The following SPOCK1 variants were observed in gnomAD, a reference collection of about 807,000 sequenced individuals.
SPOCK1 encodes the protein SPARC (osteonectin), cwcv and kazal like domains proteoglycan 1, also known as testican-1.
Under a neutral mutation model 55.3 loss-of-function variants are expected in SPOCK1, and 23 were observed. The observed-to-expected ratio is 0.42, with a 90% CI of 0.30 to 0.59. The LOEUF is 0.59. SPOCK1 is among the 20% of genes least tolerant of loss of function. SPOCK1 has a pLI of 0.22. For synonymous variants in SPOCK1, 226 were observed against 221.0 expected (o/e 1.02, Z -0.20); for missense variants, 499 against 552.5 (o/e 0.90, Z 0.97).
At chr5:137,079,535 C>CCGCCT (rs1554096418) in intron 5 of SPOCK1, among the ~76,000 whole-genome samples, 3 of 47,096 alleles carry the variant, frequency 6.4e-5, no homozygotes, top group African/African-American at 1.5e-4. Context: ...CATCTGATTC[C>CCGCCT]CCCCCCCCCC....
intron 2 of SPOCK1, among the ~76,000 whole-genome samples, chr5:137,311,553 A>G (rs1757789823): frequency 1.3e-5 from 2 of 152,262 alleles, no homozygotes; most frequent in South Asian, 4.1e-4. Flanking sequence ...TGTGTCCAAC[A>G]TAATTTTAAA....
intron 2 of SPOCK1, among the ~76,000 whole-genome samples, chr5:137,311,676 T>C (rs996888669): frequency 2.6e-5 from 4 of 152,192 alleles, no homozygotes; most frequent in Admixed American, 1.3e-4. Flanking sequence ...TCATGTATAC[T>C]CTGAAAAATA....
chr5:137,062,194 G>A (rs1369401013), intron 6 of SPOCK1, among the ~76,000 whole-genome samples: 1 of 152,174 alleles, frequency 6.6e-6, no homozygotes, highest in Non-Finnish European at 1.5e-5. Context: ...TCCGTATGGG[G>A]AAAGCTGTGG....
chr5:137,223,966 T>C (rs976132517), intron 3 of SPOCK1, among the ~76,000 whole-genome samples: 3 of 152,154 alleles, frequency 2.0e-5, no homozygotes, highest in African/African-American at 7.2e-5. Context: ...TGGTTAAGAG[T>C]CATTTCTTGA....
intron 3 of SPOCK1, among the ~76,000 whole-genome samples, chr5:137,187,359 CT>C (rs1321049146): frequency 6.6e-6 from 1 of 152,160 alleles, no homozygotes; most frequent in Admixed American, 6.5e-5. Context: ...TTCATGTCTT[CT>C]TTCTACATTC....
At chr5:137,294,572 T>A (rs1250259331) in intron 2 of SPOCK1, among the ~76,000 whole-genome samples, 6 of 152,184 alleles carry the variant, frequency 3.9e-5, no homozygotes, top group Non-Finnish European at 1.5e-5. Context: ...AGTTGTCACC[T>A]CCCTTATCTC....
chr5:137,257,624 A>G (rs1756662675), intron 3 of SPOCK1, among the ~76,000 whole-genome samples: 1 of 152,252 alleles, frequency 6.6e-6, no homozygotes, highest in Admixed American at 6.5e-5. Context: ...CCAAAGGACT[A>G]AAGCATGATC....
At chr5:137,378,819 G>T (rs1236712307) in intron 2 of SPOCK1, among the ~76,000 whole-genome samples, 1 of 152,204 alleles carries the variant, frequency 6.6e-6, no homozygotes, top group Non-Finnish European at 1.5e-5. Flanking sequence ...TTGAAGTGGG[G>T]CTTGAAGAAA....
chr5:137,010,110 C>A (rs1751323620), intron 6 of SPOCK1, among the ~76,000 whole-genome samples: 1 of 152,074 alleles, frequency 6.6e-6, no homozygotes, highest in Non-Finnish European at 1.5e-5. Flanking sequence ...CTTTTCCATG[C>A]CATATCACAA....
intron 9 of SPOCK1, among the ~76,000 whole-genome samples, chr5:136,983,536 G>A (rs1224477765): frequency 1.3e-5 from 2 of 151,144 alleles, no homozygotes; most frequent in Non-Finnish European, 2.9e-5. Context: ...GCGGTCAGTA[G>A]CCCAAAAAGA....
At chr5:137,289,099 TATCCA>T (rs1312887917) in intron 2 of SPOCK1, among the ~76,000 whole-genome samples, 1 of 152,226 alleles carries the variant, frequency 6.6e-6, no homozygotes, top group Admixed American at 6.5e-5. Context: ...GAACCTCACT[TATCCA>T]ATCTATGAAA....
intron 2 of SPOCK1, among the ~76,000 whole-genome samples, chr5:137,299,368 G>GT (rs1186016145): frequency 6.6e-6 from 1 of 151,940 alleles, no homozygotes; most frequent in Non-Finnish European, 1.5e-5. Flanking sequence ...ATCCAATAAA[G>GT]TTTTTTAAGT....
chr5:137,240,193 G>C (rs529116173), intron 3 of SPOCK1, among the ~76,000 whole-genome samples: 1 of 152,276 alleles, frequency 6.6e-6, no homozygotes, highest in Admixed American at 6.5e-5. Context: ...CATGTTCTTG[G>C]ACAGTGTATT....
chr5:137,106,986 C>T (rs1753384000), intron 5 of SPOCK1, among the ~76,000 whole-genome samples: 1 of 152,092 alleles, frequency 6.6e-6, no homozygotes, highest in Non-Finnish European at 1.5e-5. Flanking sequence ...GCTCCTGTGC[C>T]CCCAGCTCTT....
intron 2 of SPOCK1, among the ~76,000 whole-genome samples, chr5:137,360,151 T>G (rs1750910728): frequency 6.6e-6 from 1 of 152,234 alleles, no homozygotes; most frequent in South Asian, 2.1e-4. Flanking sequence ...TGCAATCAGT[T>G]TGCCACACCA....
At chr5:137,176,793 T>C (rs2127061751) in intron 3 of SPOCK1, among the ~76,000 whole-genome samples, 1 of 152,208 alleles carries the variant, frequency 6.6e-6, no homozygotes. Flanking sequence ...ATAAGCGGTA[T>C]CTAGTTGATG....
At chr5:137,195,658 C>G (rs1250255499) in intron 3 of SPOCK1, among the ~76,000 whole-genome samples, 1 of 152,180 alleles carries the variant, frequency 6.6e-6, no homozygotes, top group African/African-American at 2.4e-5. Context: ...GTGAGGGTGG[C>G]CCACAGCTCC....
At chr5:137,243,459 G>A (rs1485596836) in intron 3 of SPOCK1, among the ~76,000 whole-genome samples, 2 of 152,104 alleles carry the variant, frequency 1.3e-5, no homozygotes, top group African/African-American at 4.8e-5. Flanking sequence ...TAGAAAAAAA[G>A]GTGAGTATTT....
rs1755694155 is a variant in SPOCK1 at position 137,215,245 on chromosome 5, G to A, written c.232+51765C>T. On this transcript the variant is annotated intron_variant, in intron 3 of 10. Coordinates refer to ENST00000394945, the MANE Select transcript of SPOCK1 (RefSeq NM_004598.4). The stretch of plus-strand genomic sequence containing the variant: ...TATATTCCTTCCAAATTAATGTTAA[G>A]AACCTGGTTTTCACCCAGGCAATGA... Among the ~76,000 whole-genome samples, 10 of 152,320 alleles carry A rather than the reference G, an allele frequency of 6.6e-5. No individual in the cohort carries two copies. In the South Asian group the frequency reaches 2.1e-3, roughly 32 times the overall value.
Sources: allele counts gnomAD v4.1 joint callset (sites outside exome capture counted in the v4.1 genomes callset), GRCh38; gene constraint gnomAD v4.1.1; transcripts MANE v1.5; gene names NCBI Gene and HGNC (gene_info 2026-07-23, HGNC 2026-07-21).